The following LARGE1 variants were observed in gnomAD, a reference collection of about 807,000 sequenced individuals.
LARGE1 encodes xylosyl- and glucuronyltransferase LARGE1.
A neutral mutation model predicts 87.6 loss-of-function variants in LARGE1; 43 were observed. The observed-to-expected ratio is 0.49, with a 90% confidence interval of 0.38 to 0.63. LARGE1 has a LOEUF of 0.63. Ranked by LOEUF, LARGE1 falls within the 30% of genes least tolerant of loss-of-function variation. The probability of loss-of-function intolerance (pLI) is 0.00; values close to 1 mark genes in which losing one functional copy is unlikely to be tolerated. For synonymous variants in LARGE1, 434 were observed against 394.6 expected (o/e 1.10, Z -1.18); for missense variants, 802 against 1,000.2 (o/e 0.80, Z 2.67).
At chr22:33,458,265 C>T (rs1413649826) in intron 6 of LARGE1, among the ~76,000 whole-genome samples, 5 of 151,702 alleles carry the variant, frequency 3.3e-5, no homozygotes, top group African/African-American at 9.7e-5. Flanking sequence ...CCACCACGCT[C>T]GGCTAATTTT....
chr22:33,676,889 G>A (rs1263651261), intron 2 of LARGE1, among the ~76,000 whole-genome samples: 2 of 152,132 alleles, frequency 1.3e-5, no homozygotes, highest in Admixed American at 1.3e-4. Flanking sequence ...TGTCCTTAAA[G>A]GTCAAGAAGA....
chr22:33,139,876 C>A, the LARGE1 span, among the ~76,000 whole-genome samples: 1 of 152,210 alleles, frequency 6.6e-6, no homozygotes, highest in Non-Finnish European at 1.5e-5. Context: ...TTTCTCTCCC[C>A]ACTTGCAAAT....
chr22:33,531,351 T>G (rs991726238), intron 6 of LARGE1, among the ~76,000 whole-genome samples: 1 of 151,230 alleles, frequency 6.6e-6, no homozygotes, highest in African/African-American at 2.4e-5. Context: ...AGAGACAGGG[T>G]TTCACCACGT....
intron 6 of LARGE1, among the ~76,000 whole-genome samples, chr22:33,523,679 C>CT (rs34683069): frequency 0.018 from 2,623 of 147,830 alleles, 33 homozygotes; most frequent in Middle Eastern, 0.026. Flanking sequence ...CATATCATTT[C>CT]TTTTTTTTTT....
chr22:33,293,171 G>A (rs988354844), intron 12 of LARGE1, among the ~76,000 whole-genome samples: 1 of 152,182 alleles, frequency 6.6e-6, no homozygotes, highest in Non-Finnish European at 1.5e-5. Context: ...TATTTGCAAA[G>A]CTCTGATAAC....
chr22:33,295,075 G>A (rs1933050398), intron 12 of LARGE1, among the ~76,000 whole-genome samples: 1 of 152,170 alleles, frequency 6.6e-6, no homozygotes, highest in South Asian at 2.1e-4. Context: ...ACGAGACAGG[G>A]CACTTATAAA....
chr22:33,465,341 G>A (rs1021872224), intron 6 of LARGE1, among the ~76,000 whole-genome samples: 1 of 152,168 alleles, frequency 6.6e-6, no homozygotes, highest in Non-Finnish European at 1.5e-5. Flanking sequence ...TTAGCTCTGG[G>A]GCAAAGACCA....
intron 9 of LARGE1, among the ~76,000 whole-genome samples, chr22:33,354,488 C>T (rs1426456678): frequency 6.6e-6 from 1 of 152,166 alleles, no homozygotes. Flanking sequence ...TTCTATGGCA[C>T]ATAGTGTGTT....
intron 6 of LARGE1, among the ~76,000 whole-genome samples, chr22:33,461,232 G>T (rs2068369965): frequency 6.6e-6 from 1 of 152,172 alleles, no homozygotes; most frequent in Admixed American, 6.5e-5. Flanking sequence ...AGGTTACAGT[G>T]AGCTATGATT....
chr22:33,314,426 C>A (rs940197226), intron 11 of LARGE1, among the ~76,000 whole-genome samples: 1 of 152,198 alleles, frequency 6.6e-6, no homozygotes, highest in East Asian at 1.9e-4. Flanking sequence ...TTGCCTCCAG[C>A]GCCAGGTTCC....
chr22:33,317,079 T>G (rs1296226307), intron 10 of LARGE1, among the ~76,000 whole-genome samples: 1 of 151,938 alleles, frequency 6.6e-6, no homozygotes, highest in Non-Finnish European at 1.5e-5. Context: ...CCGGGCATGG[T>G]GGCGGACACC....
At position 33,244,405 on chromosome 22, in the gene LARGE1, C is replaced by T. The variant is rs144923899; in HGVS notation, c.1730+59824G>A. On this transcript the variant is annotated intron_variant, in intron 11 of 11. Transcript: ENST00000608642. The stretch of plus-strand genomic sequence containing the variant: ...CATTGTGCAGATGAGGAAACTGAGT[C>T]TCAAAAAGGCTAAGCAACTTTTTAG... 4.6e-4 allele frequency among the ~76,000 whole-genome samples: 70 copies of T among 152,280 alleles called. 1 individual carries two copies. The East Asian group carries it at 0.013, about 28-fold the overall frequency.
chr22:33,498,432 A>G (rs2070257474), intron 6 of LARGE1, among the ~76,000 whole-genome samples: 1 of 152,214 alleles, frequency 6.6e-6, no homozygotes, highest in Non-Finnish European at 1.5e-5. Flanking sequence ...TCTCCAGAAC[A>G]GTCATCAAGG....
At chr22:33,230,548 AAAAG>A (rs2145653149) in intron 11 of LARGE1, among the ~76,000 whole-genome samples, 1 of 152,328 alleles carries the variant, frequency 6.6e-6, no homozygotes, top group Non-Finnish European at 1.5e-5. Flanking sequence ...TCTCCCAAGA[AAAAG>A]AAAGGAAGCC....
intron 5 of LARGE1, among the ~76,000 whole-genome samples, chr22:33,596,598 C>A (rs9609838): frequency 0.085 from 12,934 of 152,234 alleles, 678 homozygotes; most frequent in African/African-American, 0.14. Context: ...GAAGAGCATA[C>A]ATCCATCAAC....
intron 1 of LARGE1, among the ~76,000 whole-genome samples, chr22:33,882,041 T>TTTG (rs1569009986): frequency 6.1e-5 from 9 of 148,464 alleles, no homozygotes; most frequent in African/African-American, 2.3e-4. Flanking sequence ...TTTTGTTTTT[T>TTTG]TTTGTTTTTT....
intron 7 of LARGE1, among the ~76,000 whole-genome samples, chr22:33,390,864 T>G (rs940503991): frequency 6.6e-6 from 1 of 151,958 alleles, no homozygotes; most frequent in Admixed American, 6.6e-5. Flanking sequence ...TGGCTAATGT[T>G]TTTTGTATTT....
At chr22:33,527,685 T>C (rs1402177056) in intron 6 of LARGE1, among the ~76,000 whole-genome samples, 1 of 152,048 alleles carries the variant, frequency 6.6e-6, no homozygotes, top group Non-Finnish European at 1.5e-5. Flanking sequence ...TGCCCAGATG[T>C]GGAACCCATT....
At chr22:33,568,697 C>T (rs965452746) in intron 5 of LARGE1, among the ~76,000 whole-genome samples, 1 of 137,294 alleles carries the variant, frequency 7.3e-6, no homozygotes, top group East Asian at 2.2e-4. Flanking sequence ...ACCTAGGAAG[C>T]GGAAGTTGCG....
Sources: gnomAD v4.1 joint callset for allele counts (sites outside exome capture counted in the v4.1 genomes callset) on GRCh38, gnomAD v4.1.1 for gene constraint, MANE v1.5 for transcripts, NCBI Gene and HGNC (gene_info 2026-07-23, HGNC 2026-07-21) for gene names.